Variants in GSG1L observed in about 807,000 individuals in gnomAD.
GSG1L encodes the protein GSG1 like, also known as germ cell-specific gene 1-like protein.
In GSG1L, 24 loss-of-function variants were observed where a neutral mutation model predicts 42.1. The ratio of observed to expected loss-of-function variants is 0.57; its 90% CI spans 0.41 to 0.80. The LOEUF is 0.80. Among genes scored for constraint, GSG1L ranks in the 30% least tolerant of loss-of-function variants. The pLI is 0.00. For missense variants in GSG1L, 445 were observed against 472.2 expected, an observed-to-expected ratio of 0.94 and a Z score of 0.53; for synonymous variants, 215 against 203.5, an observed-to-expected ratio of 1.06 and a Z score of -0.48.
intron 2 of GSG1L, among the ~76,000 whole-genome samples, chr16:27,915,246 T>C (rs2084440752): frequency 7.7e-6 from 1 of 129,106 alleles, no homozygotes; most frequent in African/African-American, 2.8e-5. Flanking sequence ...CACACCCTGT[T>C]GGTTTTGAAA....
At chr16:28,053,849 C>T (rs939481458) in intron 1 of GSG1L, among the ~76,000 whole-genome samples, 2 of 152,176 alleles carry the variant, frequency 1.3e-5, no homozygotes, top group Non-Finnish European at 2.9e-5. Context: ...GCATCTCTGT[C>T]CGGGTGTGCA....
chr16:27,861,055 C>A lies in GSG1L; in HGVS notation c.551-15994G>T, dbSNP rs1315683088. Reference sequence around the variant, plus strand: ...TTAGCCTGAACCCTCTAATAAATGCCCCATTGTAGGTCTAGAAAAGTGAAA... The same window carrying A: ...TTAGCCTGAACCCTCTAATAAATGCACCATTGTAGGTCTAGAAAAGTGAAA... On this transcript the variant is annotated intron_variant, in intron 3 of 6. Coordinates refer to ENST00000447459, the MANE Select transcript of GSG1L (RefSeq NM_001109763.2). Among the ~76,000 whole-genome samples, 2 of 152,024 alleles carry A rather than the reference C, an allele frequency of 1.3e-5. 1 individual carries two copies. Among genetic ancestry groups the A allele is most frequent in the Admixed American group, 1.3e-4 (2 of 15,272 alleles).
At chr16:27,930,379 C>T (rs1438746740) in intron 2 of GSG1L, among the ~76,000 whole-genome samples, 1 of 152,192 alleles carries the variant, frequency 6.6e-6, no homozygotes, top group African/African-American at 2.4e-5. Flanking sequence ...CAATTGCAAC[C>T]CTCCCTGCTT....
intron 2 of GSG1L, among the ~76,000 whole-genome samples, chr16:27,907,340 T>C (rs2084332123): frequency 6.6e-6 from 1 of 152,202 alleles, no homozygotes; most frequent in South Asian, 2.1e-4. Flanking sequence ...CCCTGATACT[T>C]GAATTATGGA....
At chr16:27,875,301 T>A (rs780184792) in intron 3 of GSG1L, among the ~76,000 whole-genome samples, 11 of 152,172 alleles carry the variant, frequency 7.2e-5, no homozygotes, top group Non-Finnish European at 1.6e-4. Flanking sequence ...TGTGCTCTAC[T>A]CAGCCTCCAT....
chr16:27,861,922 A>T (rs1335902823), intron 3 of GSG1L, among the ~76,000 whole-genome samples: 2 of 152,214 alleles, frequency 1.3e-5, no homozygotes, highest in Non-Finnish European at 2.9e-5. Context: ...CTGACGAGCC[A>T]GAGACCCTCA....
At chr16:27,963,782 C>T (rs1387548058) in intron 1 of GSG1L, among the ~76,000 whole-genome samples, 1 of 152,054 alleles carries the variant, frequency 6.6e-6, no homozygotes, top group African/African-American at 2.4e-5. Context: ...TGCTGTTCCC[C>T]GCCTGGAACA....
In GSG1L at chr16:28,046,508, C is replaced by T. The variant is rs536788097; in HGVS notation, c.349+16568G>A. Among the ~76,000 whole-genome samples, 13 of 152,170 alleles carry T rather than the reference C, an allele frequency of 8.5e-5. No homozygotes were observed. In the East Asian group the frequency reaches 2.5e-3, roughly 29 times the overall value. The stretch of plus-strand genomic sequence containing the variant: ...AGCTCGGACGACAGGCGCCCGCCAC[C>T]ATGCCTGGCTAATTTTTTGTATTTT... On this transcript the variant is annotated intron_variant, in intron 1 of 6. Coordinates refer to ENST00000447459, the MANE Select transcript of GSG1L (RefSeq NM_001109763.2).
At chr16:27,821,773 G>A (rs1475972666) in intron 5 of GSG1L, among the ~76,000 whole-genome samples, 1 of 151,952 alleles carries the variant, frequency 6.6e-6, no homozygotes, top group Non-Finnish European at 1.5e-5. Flanking sequence ...GCGTGGTGGC[G>A]GGCACCTGTA....
chr16:27,933,748 G>T (rs1294431225), intron 2 of GSG1L, among the ~76,000 whole-genome samples: 2 of 150,864 alleles, frequency 1.3e-5, no homozygotes, highest in African/African-American at 2.4e-5. Context: ...CCTTCTGGAA[G>T]AAAATTTGCC....
intron 1 of GSG1L, among the ~76,000 whole-genome samples, chr16:27,995,883 A>AACAC (rs3033625): frequency 0.051 from 7,388 of 145,262 alleles, 574 homozygotes; most frequent in African/African-American, 0.17. Flanking sequence ...TACTGATTAA[A>AACAC]ACACACACAC....
chr16:27,814,335 C>T (rs2083068227), intron 5 of GSG1L, among the ~76,000 whole-genome samples: 1 of 152,142 alleles, frequency 6.6e-6, no homozygotes, highest in South Asian at 2.1e-4. Context: ...TGGTCTCGAA[C>T]TCCTGGCTTC....
intron 1 of GSG1L, among the ~76,000 whole-genome samples, chr16:27,994,299 G>T (rs114579440): frequency 0.012 from 1,867 of 152,080 alleles, 27 homozygotes; most frequent in African/African-American, 0.031. Flanking sequence ...AGGTCCCTTG[G>T]GGGGGTTCAG....
At chr16:28,051,370 G>A (rs1052118201) in intron 1 of GSG1L, among the ~76,000 whole-genome samples, 3 of 152,190 alleles carry the variant, frequency 2.0e-5, no homozygotes, top group Non-Finnish European at 2.9e-5. Flanking sequence ...GTCTCTCCCT[G>A]CAGAGACTTG....
rs192227692 is a variant in GSG1L at position 27,894,846 on chromosome 16, C to T, written c.398-10208G>A. 6.4e-3 allele frequency among the ~76,000 whole-genome samples: 969 copies of T among 152,192 alleles called. 11 individuals carry two copies. The highest frequency in any genetic ancestry group is 0.022 in the African/African-American group (911 of 41,512). On this transcript the variant is annotated intron_variant, in intron 2 of 6. Transcript: ENST00000447459. ...GTCAGGAGCAGAGTCGGGTGGGAGG[C>T]ACTGTTCCACCTCCCAGGCTATTTC...
chr16:28,062,912 G>GGC (rs1422095369), intron 1 of GSG1L, among the ~76,000 whole-genome samples, 164 bp downstream of exon 1: 1 of 151,922 alleles, frequency 6.6e-6, no homozygotes, highest in Non-Finnish European at 1.5e-5. Context: ...GCCCCGGAAC[G>GGC]GCGCGCGCCC....
At chr16:27,811,833 T>C (rs1440159775) in intron 5 of GSG1L, among the ~76,000 whole-genome samples, 2 of 152,166 alleles carry the variant, frequency 1.3e-5, no homozygotes, top group East Asian at 3.8e-4. Flanking sequence ...ATATTTTTAG[T>C]AGAGATGGGG....
intron 1 of GSG1L, among the ~76,000 whole-genome samples, chr16:28,058,132 G>A (rs1470996572): frequency 6.6e-6 from 1 of 152,170 alleles, no homozygotes; most frequent in Non-Finnish European, 1.5e-5. Context: ...GAGCTGGGCT[G>A]GGGAGACTGA....
At chr16:27,795,228 G>C (rs916344861) in intron 6 of GSG1L, among the ~76,000 whole-genome samples, 1 of 151,980 alleles carries the variant, frequency 6.6e-6, no homozygotes, top group Admixed American at 6.6e-5. Flanking sequence ...GAAGGGGAGA[G>C]AGTGATTCCT....
Sources: allele counts gnomAD v4.1 joint callset (sites outside exome capture counted in the v4.1 genomes callset), GRCh38; gene constraint gnomAD v4.1.1; transcripts MANE v1.5; gene names NCBI Gene and HGNC (gene_info 2026-07-23, HGNC 2026-07-21).